The following RELN variants were observed in gnomAD, a reference collection of about 807,000 sequenced individuals.
RELN encodes the protein reelin.
Under a neutral mutation model 427.6 loss-of-function variants are expected in RELN, and 108 were observed. The ratio of observed to expected loss-of-function variants is 0.25; its 90% CI spans 0.22 to 0.30. The LOEUF is 0.30. Among genes scored for constraint, RELN ranks in the 10% least tolerant of loss-of-function variants. The pLI is 1.00. For missense variants in RELN, 3,715 were observed against 4,302.8 expected, an observed-to-expected ratio of 0.86 and a Z score of 3.82; for synonymous variants, 1,524 against 1,513.4, an observed-to-expected ratio of 1.01 and a Z score of -0.16.
chr7:103,848,571 G>A (rs778557684), intron 2 of RELN, among the ~76,000 whole-genome samples: 1 of 152,066 alleles, frequency 6.6e-6, no homozygotes, highest in Non-Finnish European at 1.5e-5. Context: ...TACTGATCTC[G>A]CCATACTGGG....
intron 2 of RELN, among the ~76,000 whole-genome samples, chr7:103,902,868 C>G (rs1296655799): frequency 6.6e-6 from 1 of 152,074 alleles, no homozygotes; most frequent in African/African-American, 2.4e-5. Context: ...TAGGACATGC[C>G]AAGAATTCAC....
intron 2 of RELN, among the ~76,000 whole-genome samples, chr7:103,849,624 A>T (rs1793768900): frequency 6.6e-6 from 1 of 152,180 alleles, no homozygotes. Context: ...GAGACTGTAT[A>T]TAGTTGTAAG....
At chr7:103,805,597 T>C (rs1792579278) in intron 3 of RELN, among the ~76,000 whole-genome samples, 1 of 152,208 alleles carries the variant, frequency 6.6e-6, no homozygotes, top group Admixed American at 6.5e-5. Context: ...GCCAATTTCC[T>C]TCTAACTGGA....
At chr7:103,686,125 G>A (rs142550029) in intron 10 of RELN, among the ~76,000 whole-genome samples, 1 of 152,056 alleles carries the variant, frequency 6.6e-6, no homozygotes, top group African/African-American at 2.4e-5. Flanking sequence ...ATTCTTTGAC[G>A]ATATCCTTTT....
chr7:103,984,269 T>C (rs1050196973), intron 1 of RELN, among the ~76,000 whole-genome samples: 1 of 152,114 alleles, frequency 6.6e-6, no homozygotes. Context: ...AATATCACTC[T>C]TTTTAAAGAT....
At position 103,593,808 on chromosome 7, in the gene RELN, T is replaced by C. The variant is rs577453361; in HGVS notation, c.3786A>G (p.Gly1262=). ...MSVWLMLANE[G]MVKNETFCAA... ...CACAGAAGGTTTCATTTTTAACCAT[T>C]CCTTCATTAGCCAACATCAACCACA... is the stretch of plus-strand genomic sequence containing the variant. The change falls in exon 27 of 65, where the codon GGA becomes GGG. Residue 1262 remains glycine (G), a synonymous_variant. Coordinates refer to ENST00000428762, the MANE Select transcript of RELN (RefSeq NM_005045.4). The C allele has an allele frequency of 6.2e-7, 1 of 1,613,946 alleles. No individual in the cohort carries two copies. Among genetic ancestry groups the C allele is most frequent in the Admixed American group, 1.7e-5 (1 of 60,012 alleles).
chr7:103,710,056 A>C (rs1321211431), intron 8 of RELN, among the ~76,000 whole-genome samples: 1 of 152,218 alleles, frequency 6.6e-6, no homozygotes, highest in Non-Finnish European at 1.5e-5. Flanking sequence ...TAACAAATCT[A>C]AGTGTAATGT....
At chr7:103,769,340 C>T (rs1791507638) in intron 4 of RELN, among the ~76,000 whole-genome samples, 1 of 152,146 alleles carries the variant, frequency 6.6e-6, no homozygotes, top group Non-Finnish European at 1.5e-5. Flanking sequence ...AGCTGGCTTG[C>T]CCCTTTGCCT....
chr7:103,899,360 G>C (rs1433919670), intron 2 of RELN, among the ~76,000 whole-genome samples: 1 of 151,998 alleles, frequency 6.6e-6, no homozygotes, highest in Non-Finnish European at 1.5e-5. Context: ...TTCAACCAGA[G>C]GTACAACGAG....
At chr7:103,920,593 T>TTTTTTTTTTTTTTTTTTTTTTTGA (rs57282777) in intron 1 of RELN, among the ~76,000 whole-genome samples, 1 of 129,420 alleles carries the variant, frequency 7.7e-6, no homozygotes, top group African/African-American at 3.0e-5. Context: ...TTTTTTTTTT[T>TTTTTTTTTTTTTTTTTTTTTTTGA]GAGAGAGTCT....
At chr7:103,904,020 C>A (rs570709666) in intron 2 of RELN, among the ~76,000 whole-genome samples, 8 of 152,156 alleles carry the variant, frequency 5.3e-5, no homozygotes, top group African/African-American at 1.9e-4. Flanking sequence ...CCACCCCCGA[C>A]AGGCCCCAGG....
chr7:103,633,524 G>T (rs748754538), intron 19 of RELN, among the ~76,000 whole-genome samples: 1 of 150,638 alleles, frequency 6.6e-6, no homozygotes, highest in African/African-American at 2.4e-5. Flanking sequence ...CCATTACCAC[G>T]TTCTCCTTTT....
intron 2 of RELN, among the ~76,000 whole-genome samples, chr7:103,896,151 T>C (rs368078476): frequency 6.6e-6 from 1 of 152,024 alleles, no homozygotes; most frequent in Non-Finnish European, 1.5e-5. Context: ...CCTACCAACA[T>C]GGCTAAAATT....
chr7:103,866,546 G>T (rs1794201896), intron 2 of RELN, among the ~76,000 whole-genome samples: 1 of 151,802 alleles, frequency 6.6e-6, no homozygotes, highest in Admixed American at 6.6e-5. Context: ...AAATCATTTA[G>T]GTAATCAAAA....
chr7:103,635,681 T>G (rs906076829), intron 18 of RELN, 95 bp from the exon 19 acceptor site: 1 of 1,004,690 alleles, frequency 1.0e-6, no homozygotes, highest in African/African-American at 1.6e-5. Flanking sequence ...ATGTTTCTAC[T>G]CACCCCTCTT....
At chr7:103,761,494 GC>G (rs1791297256) in intron 4 of RELN, among the ~76,000 whole-genome samples, 1 of 151,874 alleles carries the variant, frequency 6.6e-6, no homozygotes, top group African/African-American at 2.4e-5. Context: ...CGCTCTCTTG[GC>G]CATGCTAGAG....
chr7:103,650,510 T>C (rs1473055698), intron 15 of RELN, 127 bp from the exon 16 acceptor site: 42 of 723,708 alleles, frequency 5.8e-5, no homozygotes, highest in Non-Finnish European at 7.7e-6. Context: ...AATAAACTCT[T>C]TAAATTCACT....
intron 1 of RELN, among the ~76,000 whole-genome samples, chr7:103,975,463 T>C (rs951062385): frequency 6.6e-6 from 1 of 152,056 alleles, no homozygotes; most frequent in Non-Finnish European, 1.5e-5. Context: ...ATAATAGCAA[T>C]GAAGAAAAAT....
At chr7:103,678,822 C>G (rs561519679) in intron 11 of RELN, among the ~76,000 whole-genome samples, 1 of 152,000 alleles carries the variant, frequency 6.6e-6, no homozygotes, top group Non-Finnish European at 1.5e-5. Flanking sequence ...AACTGGCCAC[C>G]CTTGAGTGAG....
Sources: allele counts gnomAD v4.1 joint callset (sites outside exome capture counted in the v4.1 genomes callset), GRCh38; gene constraint gnomAD v4.1.1; transcripts MANE v1.5; gene names NCBI Gene and HGNC (gene_info 2026-07-23, HGNC 2026-07-21).